The following ASAP2 variants were observed in gnomAD, a reference collection of about 807,000 sequenced individuals.
The protein encoded by ASAP2 is ArfGAP with SH3 domain, ankyrin repeat and PH domain 2, also known as arf-GAP with SH3 domain, ANK repeat and PH domain-containing protein 2.
ASAP2 carries 45 observed loss-of-function variants against 131.4 expected under a neutral mutation model. That is an observed-to-expected ratio of 0.34 (90% CI 0.27 to 0.44). ASAP2 has a LOEUF of 0.44. ASAP2 is among the 20% of genes least tolerant of loss of function. The pLI is 1.00. For missense variants in ASAP2, 1,011 were observed against 1,297.0 expected (o/e 0.78, Z 3.39); for synonymous variants, 510 against 503.0 (o/e 1.01, Z -0.19).
intron 2 of ASAP2, among the ~76,000 whole-genome samples, chr2:9,292,051 C>CT (rs1205276082): frequency 6.6e-6 from 1 of 152,152 alleles, no homozygotes; most frequent in East Asian, 1.9e-4. Flanking sequence ...TGCAAACTCA[C>CT]TGTGTGACCT....
At position 9,323,049 on chromosome 2, in the gene ASAP2, G is replaced by A. The variant is rs1670250980; in HGVS notation, c.471-72G>A. On this transcript the variant is annotated intron_variant, in intron 5 of 27. Coordinates refer to ENST00000281419, the MANE Select transcript of ASAP2 (RefSeq NM_003887.3). ...TTGGTCTCGCCAGGCTGGGTACTGG[G>A]GTGGCTTCAAGGCTGTCCCGTTGAG... 10 of 1,587,352 alleles carry A rather than the reference G, an allele frequency of 6.3e-6. 1 individual carries two copies. In the South Asian group the frequency reaches 9.0e-5, roughly 14 times the overall value.
intron 2 of ASAP2, among the ~76,000 whole-genome samples, chr2:9,283,123 G>A (rs1476863862): frequency 6.6e-6 from 1 of 152,078 alleles, no homozygotes; most frequent in Non-Finnish European, 1.5e-5. Context: ...TGTTGCCCAG[G>A]CTGGAGTGCA....
chr2:9,390,638 C>T (rs1045147092), intron 22 of ASAP2, among the ~76,000 whole-genome samples: 9 of 152,170 alleles, frequency 5.9e-5, no homozygotes, highest in Admixed American at 2.0e-4. Context: ...GCTGGGCACA[C>T]GGTGTTCCTC....
At chr2:9,212,600 T>C (rs1035872769) in intron 1 of ASAP2, among the ~76,000 whole-genome samples, 1 of 152,148 alleles carries the variant, frequency 6.6e-6, no homozygotes, top group African/African-American at 2.4e-5. Flanking sequence ...TGATCCTCAA[T>C]TCTTCCCATG....
chr2:9,230,994 A>G (rs985757093), intron 1 of ASAP2, among the ~76,000 whole-genome samples: 1 of 152,186 alleles, frequency 6.6e-6, no homozygotes, highest in Admixed American at 6.5e-5. Context: ...CTGGCAGCAC[A>G]AACCCCTGCC....
intron 1 of ASAP2, among the ~76,000 whole-genome samples, chr2:9,219,640 G>A (rs1338282001): frequency 6.6e-6 from 1 of 152,030 alleles, no homozygotes; most frequent in Non-Finnish European, 1.5e-5. Context: ...CCTTTCTATA[G>A]CATCCTGAGA....
chr2:9,373,109 G>A (rs572358094), intron 16 of ASAP2, among the ~76,000 whole-genome samples: 2 of 152,260 alleles, frequency 1.3e-5, no homozygotes, highest in East Asian at 1.9e-4. Flanking sequence ...ACGGGTTAGC[G>A]CTGTGTGGAC....
chr2:9,215,046 C>A (rs1047788659), intron 1 of ASAP2, among the ~76,000 whole-genome samples: 1 of 152,108 alleles, frequency 6.6e-6, no homozygotes, highest in African/African-American at 2.4e-5. Flanking sequence ...TGCGAACATC[C>A]TAGAGTGCAC....
rs58620535 is a variant in ASAP2 at position 9,217,620 on chromosome 2, GT to G, written c.126+10401del. On this transcript the variant is annotated intron_variant, in intron 1 of 27. Transcript: ENST00000281419. The surrounding 1 kb of genome is among the most constrained non-coding windows in gnomAD (Gnocchi z 4.0). ...TCTTAGAGGTATGTTTTTGTTTTTT[GT>G]TTTTTTTTTTGAGACGGAGTCTTCG... is the stretch of plus-strand genomic sequence containing the variant. Among the ~76,000 whole-genome samples the G allele has an allele frequency of 4.1e-5, 6 of 147,550 alleles. No homozygotes were observed. Among genetic ancestry groups the G allele is most frequent in the South Asian group, 2.1e-4 (1 of 4,654 alleles).
intron 9 of ASAP2, among the ~76,000 whole-genome samples, chr2:9,343,201 C>T (rs1172283648): frequency 1.3e-5 from 2 of 152,156 alleles, no homozygotes; most frequent in Non-Finnish European, 2.9e-5. Flanking sequence ...TTAAGGAGCT[C>T]TGCACCTGGA....
rs539029825 is a variant in ASAP2 at position 9,392,222 on chromosome 2, G to A, written c.2518+1026G>A. Among the ~76,000 whole-genome samples, 28 of 152,354 alleles carry A rather than the reference G, an allele frequency of 1.8e-4. No homozygotes were observed. Among genetic ancestry groups the A allele is most frequent in the African/African-American group, 6.0e-4 (25 of 41,584 alleles). On this transcript the variant is annotated intron_variant, in intron 23 of 27. Coordinates refer to ENST00000281419, the MANE Select transcript of ASAP2 (RefSeq NM_003887.3). This position sits in a 1 kb window ranked among gnomAD's most constrained non-coding sequence, Gnocchi z 4.0. ...AAAACCTTGGGTAAAGAAGCGGGAG[G>A]AGGTTTTTAGGAAGAAGTTTTTCTC...
intron 5 of ASAP2, 69 bp downstream of exon 5, chr2:9,320,406 T>A: frequency 6.1e-6 from 7 of 1,146,076 alleles, no homozygotes; most frequent in Non-Finnish European, 9.1e-6. Flanking sequence ...AACCTCGTAT[T>A]GCTTAAAGGG....
chr2:9,289,167 C>T (rs1166823316), intron 2 of ASAP2, among the ~76,000 whole-genome samples: 1 of 152,212 alleles, frequency 6.6e-6, no homozygotes, highest in Non-Finnish European at 1.5e-5. Context: ...CTTTTGGCTG[C>T]TCTCCGTTAC....
At chr2:9,241,501 G>C (rs1663964026) in intron 1 of ASAP2, among the ~76,000 whole-genome samples, 1 of 152,152 alleles carries the variant, frequency 6.6e-6, no homozygotes, top group South Asian at 2.1e-4. Flanking sequence ...CACACTGGGA[G>C]GCCAAAGAAG....
At chr2:9,323,042 G>A in intron 5 of ASAP2, 79 bp from the exon 6 acceptor site, 1 of 1,570,214 alleles carries the variant, frequency 6.4e-7, no homozygotes, top group Non-Finnish European at 8.7e-7. Context: ...GCCAGGCTGG[G>A]TACTGGGGTG....
In ASAP2 at chr2:9,268,128, T is replaced by G. The variant is rs1174243024; in HGVS notation, c.127-11189T>G. 1.3e-5 allele frequency among the ~76,000 whole-genome samples: 2 copies of G among 152,206 alleles called. No individual in the cohort carries two copies. The highest frequency in any genetic ancestry group is 2.9e-5 in the Non-Finnish European group (2 of 68,042). On this transcript the variant is annotated intron_variant, in intron 1 of 27. Coordinates refer to ENST00000281419, the MANE Select transcript of ASAP2 (RefSeq NM_003887.3). The surrounding 1 kb of genome is among the most constrained non-coding windows in gnomAD (Gnocchi z 4.1). The stretch of plus-strand genomic sequence containing the variant: ...ACTTTTTATACTGCATGTATTCTTT[T>G]GCTCAACATTTTTGTCAAGTTCACT...
chr2:9,207,093 C>A lies in ASAP2; in HGVS notation c.-12C>A. On this transcript the variant is annotated 5_prime_UTR_variant, in exon 1 of 28. Coordinates refer to ENST00000281419, the MANE Select transcript of ASAP2 (RefSeq NM_003887.3). The surrounding 1 kb of genome is among the most constrained non-coding windows in gnomAD (Gnocchi z 4.1). ...CCCTGCGGCTGTGCGCCAGCGCCCT[C>A]GCGCCGAGGCGATGCCGGACCAGAT... 1.9e-6 allele frequency: 3 copies of A among 1,568,468 alleles called. No individual in the cohort carries two copies. The South Asian group carries it at 3.4e-5, about 18-fold the overall frequency.
At chr2:9,393,736 A>G in intron 24 of ASAP2, 89 bp downstream of exon 24, 1 of 1,366,268 alleles carries the variant, frequency 7.3e-7, no homozygotes, top group Non-Finnish European at 9.8e-7. Context: ...TGCAATCCCC[A>G]GGGCTCCTAC....
At chr2:9,317,069 A>G (rs1053043996) in intron 3 of ASAP2, among the ~76,000 whole-genome samples, 1 of 147,304 alleles carries the variant, frequency 6.8e-6, no homozygotes, top group Non-Finnish European at 1.5e-5. Flanking sequence ...ACACAACCAC[A>G]CAAAATCACA....
Sources: allele counts gnomAD v4.1 joint callset (sites outside exome capture counted in the v4.1 genomes callset), GRCh38; gene constraint gnomAD v4.1.1; non-coding constraint Gnocchi (gnomAD v3.1); transcripts MANE v1.5; gene names NCBI Gene and HGNC (gene_info 2026-07-23, HGNC 2026-07-21).